The following MAPKAPK2 variants were observed in gnomAD, a reference collection of about 807,000 sequenced individuals.
MAPKAPK2 encodes the protein MAP kinase-activated protein kinase 2.
Under a neutral mutation model 48.8 loss-of-function variants are expected in MAPKAPK2, and 9 were observed. The observed-to-expected ratio is 0.18, with a 90% CI of 0.11 to 0.32. The LOEUF (loss-of-function observed/expected upper bound fraction) is 0.32. MAPKAPK2 is among the 10% of genes least tolerant of loss of function. The probability of loss-of-function intolerance (pLI) is 1.00; values close to 1 mark genes in which losing one functional copy is unlikely to be tolerated. For missense variants in MAPKAPK2, 331 were observed against 498.3 expected (o/e 0.66, Z 3.20); for synonymous variants, 202 against 190.6 (o/e 1.06, Z -0.49).
At chr1:206,719,370 G>T (rs1259878085) in intron 1 of MAPKAPK2, among the ~76,000 whole-genome samples, 2 of 152,182 alleles carry the variant, frequency 1.3e-5, no homozygotes, top group African/African-American at 2.4e-5. Flanking sequence ...TAAGGCTTTT[G>T]GTACTGGGAT....
At position 206,685,330 on chromosome 1, in the gene MAPKAPK2, A is replaced by AGCC. The variant is rs782493788; in HGVS notation, c.114_116dup (p.Pro40dup). 3.8e-3 allele frequency: 4,124 copies of AGCC among 1,087,170 alleles called. 10 individuals are homozygous for AGCC. The highest frequency in any genetic ancestry group is 4.6e-3 in the Non-Finnish European group (3,782 of 821,322). 67.3% of individuals were successfully genotyped at this position (1,087,170 alleles called of 1,614,324 possible). A position where few individuals can be genotyped will look rare whatever the true frequency, so the allele number is the denominator to read the frequency against. ...CCTGCCCTGCCGCACCCCCCGGCGCAGCCGCCGCCGCCGCCCCCGCAGCAG... is the reference window on the plus strand; with the variant it reads ...CCTGCCCTGCCGCACCCCCCGGCGCAGCCGCCGCCGCCGCCGCCCCCGCAGCAG... On this transcript the variant is annotated inframe_insertion, in exon 1 of 10. Coordinates refer to ENST00000367103, the MANE Select transcript of MAPKAPK2 (RefSeq NM_032960.4).
chr1:206,690,072 A>C (rs1226150313), intron 1 of MAPKAPK2, among the ~76,000 whole-genome samples: 1 of 152,200 alleles, frequency 6.6e-6, no homozygotes, highest in East Asian at 1.9e-4. Context: ...GGGGAGGAAC[A>C]GGAGGTCAGA....
chr1:206,691,947 G>T (rs561960899), intron 1 of MAPKAPK2, among the ~76,000 whole-genome samples: 1 of 152,326 alleles, frequency 6.6e-6, no homozygotes, highest in East Asian at 1.9e-4. Context: ...TGGTGACTCG[G>T]CAGAGAGGAT....
intron 1 of MAPKAPK2, among the ~76,000 whole-genome samples, chr1:206,726,037 T>C (rs782680434): frequency 1.3e-5 from 2 of 152,226 alleles, no homozygotes; most frequent in Non-Finnish European, 2.9e-5. Context: ...CAGTGCCTTC[T>C]CTTGCTCCCC....
chr1:206,694,543 T>C (rs1394287069), intron 1 of MAPKAPK2, among the ~76,000 whole-genome samples: 1 of 152,244 alleles, frequency 6.6e-6, no homozygotes, highest in Non-Finnish European at 1.5e-5. Context: ...CCTTGGCTTC[T>C]GTGATTCCTA....
intron 1 of MAPKAPK2, among the ~76,000 whole-genome samples, chr1:206,690,418 A>C (rs1672422570): frequency 2.0e-5 from 3 of 152,258 alleles, no homozygotes; most frequent in African/African-American, 7.2e-5. Context: ...ATACGGGATC[A>C]GTGGCTGACA....
At chr1:206,714,764 CAAAAA>C (rs373824626) in intron 1 of MAPKAPK2, among the ~76,000 whole-genome samples, 1 of 116,082 alleles carries the variant, frequency 8.6e-6, no homozygotes, top group Non-Finnish European at 1.7e-5. Flanking sequence ...AACTCGGTCA[CAAAAA>C]AAAAAAAAAA....
chr1:206,731,522 G>GGCA lies in MAPKAPK2; in HGVS notation c.893-115_893-113dup, dbSNP rs1673910948. 1 of 1,107,772 alleles carries GGCA rather than the reference G, an allele frequency of 9.0e-7. No homozygotes were observed. Among genetic ancestry groups the GGCA allele is most frequent in the Non-Finnish European group, 1.4e-6 (1 of 732,026 alleles). The allele number at this position is 1,107,772 out of a possible 1,614,324, so 68.6% of individuals were successfully genotyped here. ...AATGGTCCTTGGGGCCAGTTGCTCC[G>GGCA]GCAGCCTGCCTCCATGCACCCCCTC... On this transcript the variant is annotated intron_variant, in intron 7 of 9. Transcript: ENST00000367103. This position sits in a 1 kb window ranked among gnomAD's most constrained non-coding sequence, Gnocchi z 5.9.
intron 1 of MAPKAPK2, among the ~76,000 whole-genome samples, chr1:206,695,441 C>T (rs1553426857): frequency 1.3e-5 from 2 of 151,152 alleles, no homozygotes; most frequent in South Asian, 2.1e-4. Flanking sequence ...CCAGATCTGG[C>T]CCTGATCTGT....
chr1:206,719,624 T>G (rs1271708834), intron 1 of MAPKAPK2, among the ~76,000 whole-genome samples: 2 of 152,186 alleles, frequency 1.3e-5, no homozygotes, highest in East Asian at 3.9e-4. Context: ...CTCATTGAGC[T>G]TTGCAGAGGC....
At chr1:206,717,493 G>A (rs1673372891) in intron 1 of MAPKAPK2, among the ~76,000 whole-genome samples, 1 of 152,194 alleles carries the variant, frequency 6.6e-6, no homozygotes, top group Non-Finnish European at 1.5e-5. Context: ...CAGTGTTCAT[G>A]TCCATATAAG....
intron 1 of MAPKAPK2, among the ~76,000 whole-genome samples, chr1:206,714,196 CT>C (rs1673246724): frequency 6.6e-6 from 1 of 152,166 alleles, no homozygotes; most frequent in Non-Finnish European, 1.5e-5. Flanking sequence ...TATCTAAATG[CT>C]TTGTCATCTC....
At chr1:206,714,657 C>T (rs568942899) in intron 1 of MAPKAPK2, among the ~76,000 whole-genome samples, 4 of 147,946 alleles carry the variant, frequency 2.7e-5, no homozygotes, top group South Asian at 4.3e-4. Flanking sequence ...CCCAGCCACT[C>T]GGGAGGCTGA....
intron 1 of MAPKAPK2, among the ~76,000 whole-genome samples, chr1:206,720,670 AT>A (rs1404629413): frequency 6.6e-6 from 1 of 151,914 alleles, no homozygotes; most frequent in African/African-American, 2.4e-5. Flanking sequence ...CTATGCCTTT[AT>A]TTTTTTTATA....
intron 1 of MAPKAPK2, among the ~76,000 whole-genome samples, chr1:206,714,179 C>T (rs1409960600): frequency 6.6e-6 from 1 of 152,164 alleles, no homozygotes; most frequent in Non-Finnish European, 1.5e-5. Context: ...ATAACAACTG[C>T]AAATATTATC....
At chr1:206,699,165 C>A (rs1672720344) in intron 1 of MAPKAPK2, among the ~76,000 whole-genome samples, 1 of 152,230 alleles carries the variant, frequency 6.6e-6, no homozygotes, top group Admixed American at 6.5e-5. Flanking sequence ...AAATCCAGAT[C>A]TTACCATTTC....
intron 1 of MAPKAPK2, among the ~76,000 whole-genome samples, chr1:206,711,282 C>G (rs530501880): frequency 6.6e-6 from 1 of 152,310 alleles, no homozygotes. Context: ...GACACCATCT[C>G]TCTGTCGCCC....
chr1:206,718,614 T>G (rs1553430783), intron 1 of MAPKAPK2, among the ~76,000 whole-genome samples: 1 of 152,116 alleles, frequency 6.6e-6, no homozygotes, highest in Non-Finnish European at 1.5e-5. Context: ...TGCTTTCCCA[T>G]TTAATAGCAT....
intron 1 of MAPKAPK2, among the ~76,000 whole-genome samples, chr1:206,724,485 G>A (rs1673643162): frequency 6.6e-6 from 1 of 151,228 alleles, no homozygotes; most frequent in Admixed American, 6.6e-5. Flanking sequence ...TGCTTGGGTT[G>A]ATTTTCTTAT....
Sources: gnomAD v4.1 joint callset for allele counts (sites outside exome capture counted in the v4.1 genomes callset) on GRCh38, gnomAD v4.1.1 for gene constraint, Gnocchi (gnomAD v3.1) non-coding constraint, MANE v1.5 for transcripts, NCBI Gene and HGNC (gene_info 2026-07-23, HGNC 2026-07-21) for gene names.